DNM3: variants seen among roughly 807,000 people sequenced by gnomAD.
DNM3 encodes the protein dynamin-3.
In DNM3, 47 loss-of-function variants were observed where a neutral mutation model predicts 101.6. That is an observed-to-expected ratio of 0.46 (90% CI 0.37 to 0.59). DNM3 has a LOEUF of 0.59. DNM3 is among the 20% of genes least tolerant of loss of function. The pLI is 0.00. For synonymous variants in DNM3, 385 were observed against 387.9 expected, an observed-to-expected ratio of 0.99 and a Z score of 0.09; for missense variants, 849 against 1,085.7, an observed-to-expected ratio of 0.78 and a Z score of 3.06.
intron 14 of DNM3, among the ~76,000 whole-genome samples, chr1:172,177,244 T>C (rs1005900098): frequency 2.6e-5 from 4 of 151,724 alleles, no homozygotes; most frequent in Non-Finnish European, 5.9e-5. Context: ...AATAGGTGAG[T>C]GTTGTACAAG....
At chr1:172,395,283 GC>G (rs1395096077) in intron 20 of DNM3, among the ~76,000 whole-genome samples, 1 of 151,048 alleles carries the variant, frequency 6.6e-6, no homozygotes, top group Non-Finnish European at 1.5e-5. Context: ...CGATTCTCCT[GC>G]CTCAGCCTCC....
At chr1:172,166,219 T>C (rs978307980) in intron 14 of DNM3, among the ~76,000 whole-genome samples, 3 of 152,106 alleles carry the variant, frequency 2.0e-5, no homozygotes, top group African/African-American at 7.2e-5. Flanking sequence ...ATATGTGTGC[T>C]GAATGAGAAA....
At chr1:171,862,345 C>T (rs1306813867) in intron 1 of DNM3, among the ~76,000 whole-genome samples, 2 of 152,044 alleles carry the variant, frequency 1.3e-5, no homozygotes, top group South Asian at 2.1e-4. Flanking sequence ...AAATGCCCAC[C>T]AATTGATCAA....
At chr1:172,059,710 C>A (rs2050994580) in intron 10 of DNM3, among the ~76,000 whole-genome samples, 1 of 132,690 alleles carries the variant, frequency 7.5e-6, no homozygotes. Context: ...ATAATAAGAG[C>A]TATCTATGAC....
chr1:172,112,996 C>T (rs1368297601), intron 13 of DNM3, among the ~76,000 whole-genome samples: 1 of 152,062 alleles, frequency 6.6e-6, no homozygotes, highest in African/African-American at 2.4e-5. Context: ...TCTCATGGCT[C>T]CTCTAATTTA....
intron 7 of DNM3, among the ~76,000 whole-genome samples, chr1:172,038,812 TC>T (rs1459177346): frequency 6.6e-6 from 1 of 152,206 alleles, no homozygotes; most frequent in Non-Finnish European, 1.5e-5. Flanking sequence ...TTCAGCTGTT[TC>T]TATGGATGTC....
intron 15 of DNM3, among the ~76,000 whole-genome samples, chr1:172,292,623 A>G (rs199738942): frequency 3.4e-4 from 50 of 147,870 alleles, no homozygotes; most frequent in South Asian, 1.7e-3. Context: ...ACACACACAC[A>G]CGCGCGTGCG....
At chr1:172,261,965 A>C (rs1356729158) in intron 15 of DNM3, among the ~76,000 whole-genome samples, 1 of 152,144 alleles carries the variant, frequency 6.6e-6, no homozygotes, top group African/African-American at 2.4e-5. Flanking sequence ...GCTCAGGTAA[A>C]GGGGGAAGGA....
chr1:172,040,894 TGGCTTCCTTATG>T (rs2049332941), intron 7 of DNM3, among the ~76,000 whole-genome samples: 1 of 152,082 alleles, frequency 6.6e-6, no homozygotes, highest in Admixed American at 6.6e-5. Flanking sequence ...GGAACTGCAA[TGGCTTCCTTATG>T]GTTGGCTGGA....
intron 14 of DNM3, among the ~76,000 whole-genome samples, chr1:172,192,768 G>A (rs1319352160): frequency 3.3e-5 from 5 of 151,526 alleles, no homozygotes; most frequent in South Asian, 2.1e-4. Flanking sequence ...TCTTAATCCA[G>A]TCTATCATTG....
At chr1:172,009,795 G>A (rs2046992931) in intron 4 of DNM3, among the ~76,000 whole-genome samples, 1 of 151,038 alleles carries the variant, frequency 6.6e-6, no homozygotes, top group South Asian at 2.1e-4. Context: ...TTTATTAAAT[G>A]TATAACGGTA....
intron 14 of DNM3, among the ~76,000 whole-genome samples, chr1:172,135,525 G>T (rs2057173337): frequency 1.3e-5 from 2 of 151,686 alleles, no homozygotes; most frequent in Admixed American, 1.3e-4. Flanking sequence ...TTGTTTGTTT[G>T]TTTTTTATCC....
chr1:172,313,942 C>A (rs1021390926), intron 16 of DNM3, among the ~76,000 whole-genome samples: 3 of 151,436 alleles, frequency 2.0e-5, no homozygotes, highest in Non-Finnish European at 4.4e-5. Flanking sequence ...GCTATCCCTC[C>A]CCTAGCCCCC....
intron 1 of DNM3, among the ~76,000 whole-genome samples, chr1:171,869,880 T>C (rs924841330): frequency 1.3e-5 from 2 of 152,232 alleles, no homozygotes; most frequent in Admixed American, 6.5e-5. Context: ...GAACTCAAGA[T>C]AATTTTTAGA....
chr1:171,889,845 G>A (rs1329431000), intron 1 of DNM3, among the ~76,000 whole-genome samples: 1 of 152,194 alleles, frequency 6.6e-6, no homozygotes, highest in Admixed American at 6.5e-5. Flanking sequence ...GATAATTGCA[G>A]AAGGTGAAAG....
intron 4 of DNM3, among the ~76,000 whole-genome samples, chr1:172,006,822 A>C (rs1392519767): frequency 6.6e-6 from 1 of 152,066 alleles, no homozygotes; most frequent in Non-Finnish European, 1.5e-5. Flanking sequence ...TCTAGTATCC[A>C]ACTCCTGGCT....
At chr1:172,344,284 A>C (rs149791194) in intron 17 of DNM3, among the ~76,000 whole-genome samples, 36 of 152,348 alleles carry the variant, frequency 2.4e-4, no homozygotes, top group Non-Finnish European at 4.0e-4. Context: ...TTTGCCAAGA[A>C]TTGTGAGTGG....
At chr1:171,843,440 T>C (rs2031584642) in intron 1 of DNM3, among the ~76,000 whole-genome samples, 1 of 152,236 alleles carries the variant, frequency 6.6e-6, no homozygotes. Flanking sequence ...AGAGTGAGTT[T>C]TGGTAACATA....
At chr1:171,956,850 A>G (rs915785874) in intron 2 of DNM3, among the ~76,000 whole-genome samples, 1 of 152,118 alleles carries the variant, frequency 6.6e-6, no homozygotes, top group African/African-American at 2.4e-5. Context: ...CGCAGACTCA[A>G]TACCACATGG....
Sources: gnomAD v4.1 joint callset for allele counts (sites outside exome capture counted in the v4.1 genomes callset) on GRCh38, gnomAD v4.1.1 for gene constraint, MANE v1.5 for transcripts, NCBI Gene and HGNC (gene_info 2026-07-23, HGNC 2026-07-21) for gene names.